EXOC6B: variants seen among roughly 807,000 people sequenced by gnomAD.
EXOC6B encodes the protein exocyst complex component 6B.
EXOC6B carries 54 observed loss-of-function variants against 113.5 expected under a neutral mutation model. That is an observed-to-expected ratio of 0.48 (90% CI 0.38 to 0.60). EXOC6B has a LOEUF of 0.60. EXOC6B is among the 20% of genes least tolerant of loss of function. The pLI is 0.00. For synonymous variants in EXOC6B, 357 were observed against 339.0 expected (o/e 1.05, Z -0.58); for missense variants, 797 against 977.5 (o/e 0.82, Z 2.46).
At chr2:72,545,845 T>C (rs145808641) in intron 8 of EXOC6B, among the ~76,000 whole-genome samples, 24 of 152,338 alleles carry the variant, frequency 1.6e-4, no homozygotes, top group African/African-American at 5.5e-4. Flanking sequence ...ATTTCCCAAG[T>C]GCTTTACTGT....
Position 72,319,939 on chromosome 2 carries a change from G to A in EXOC6B, c.2196+15008C>T, listed in dbSNP as rs1238465126. On this transcript the variant is annotated intron_variant, in intron 20 of 21. Transcript: ENST00000272427. ...CAACCTCCGACTCCCTGGTTCCAGC[G>A]ATTTCCCCTGCCTCAGCCTCCTGAG... 2.6e-5 allele frequency among the ~76,000 whole-genome samples: 4 copies of A among 151,776 alleles called. No individual in the cohort carries two copies. In the East Asian group the frequency reaches 7.7e-4, roughly 29 times the overall value.
At chr2:72,715,744 A>T (rs962490265) in intron 6 of EXOC6B, among the ~76,000 whole-genome samples, 2 of 152,114 alleles carry the variant, frequency 1.3e-5, no homozygotes, top group Non-Finnish European at 2.9e-5. Flanking sequence ...TCTTCATTGT[A>T]TATTGGGGGT....
At chr2:72,761,534 T>A (rs1308864541) in intron 1 of EXOC6B, among the ~76,000 whole-genome samples, 1 of 152,148 alleles carries the variant, frequency 6.6e-6, no homozygotes, top group Non-Finnish European at 1.5e-5. Context: ...TTTTTTAATG[T>A]TCAAAATAGA....
intron 1 of EXOC6B, among the ~76,000 whole-genome samples, chr2:72,769,559 C>T (rs1683290698): frequency 6.6e-6 from 1 of 152,206 alleles, no homozygotes; most frequent in East Asian, 1.9e-4. Flanking sequence ...CACCTGTAAT[C>T]CCAGCACTTT....
intron 20 of EXOC6B, among the ~76,000 whole-genome samples, chr2:72,266,437 T>G (rs1366121672): frequency 3.3e-5 from 5 of 150,970 alleles, no homozygotes; most frequent in Non-Finnish European, 7.4e-5. Flanking sequence ...TTGTATAAGG[T>G]GTAAGGAAGG....
In EXOC6B at chr2:72,731,003, T is replaced by C. The variant is rs1210539709; in HGVS notation, c.464+4A>G. 6.6e-7 allele frequency: 1 copy of C among 1,525,780 alleles called. No homozygotes were observed. The highest frequency in any genetic ancestry group is 8.8e-7 in the Non-Finnish European group (1 of 1,139,300). The allele number at this position is 1,525,780 out of a possible 1,614,324, so 94.5% of individuals were successfully genotyped here. On this transcript the variant is annotated splice_donor_region_variant and intron_variant, in intron 5 of 21. Coordinates refer to ENST00000272427, the MANE Select transcript of EXOC6B (RefSeq NM_015189.3). ...AAAACTGTTCGATTAAAAAAAAATC[T>C]TACCTTTTAGTTTTCATCTGGTCCC... is the stretch of plus-strand genomic sequence containing the variant.
intron 15 of EXOC6B, among the ~76,000 whole-genome samples, chr2:72,493,324 C>T (rs1230753091): frequency 1.4e-5 from 2 of 138,392 alleles, no homozygotes; most frequent in African/African-American, 3.1e-5. Context: ...TTTTCTCCCC[C>T]CCCCCCCCCC....
intron 19 of EXOC6B, among the ~76,000 whole-genome samples, chr2:72,342,440 A>T (rs1206365425): frequency 6.6e-6 from 1 of 152,194 alleles, no homozygotes; most frequent in African/African-American, 2.4e-5. Flanking sequence ...ATAGTGCGCA[A>T]AATCAAAAGT....
chr2:72,521,638 T>G (rs1420345093), intron 8 of EXOC6B, among the ~76,000 whole-genome samples: 1 of 152,222 alleles, frequency 6.6e-6, no homozygotes, highest in Non-Finnish European at 1.5e-5. Context: ...CAGATTTTTA[T>G]GCATCTAAAG....
intron 20 of EXOC6B, among the ~76,000 whole-genome samples, chr2:72,193,532 T>G (rs1202870092): frequency 1.3e-5 from 2 of 152,240 alleles, no homozygotes; most frequent in Admixed American, 6.5e-5. Context: ...TTCTAGGTAC[T>G]GCATATGAAA....
At chr2:72,389,824 G>A (rs116411084) in intron 18 of EXOC6B, among the ~76,000 whole-genome samples, 1,993 of 151,812 alleles carry the variant, frequency 0.013, 59 homozygotes, top group African/African-American at 0.045. Flanking sequence ...TCTTTTTATC[G>A]TTGTTTTTCA....
chr2:72,696,564 A>G (rs1172790241), intron 6 of EXOC6B, among the ~76,000 whole-genome samples: 1 of 152,210 alleles, frequency 6.6e-6, no homozygotes, highest in Admixed American at 6.5e-5. Context: ...AATGTAGTGG[A>G]CATTGTCAGA....
At chr2:72,653,908 A>G (rs548966286) in intron 6 of EXOC6B, among the ~76,000 whole-genome samples, 17 of 152,172 alleles carry the variant, frequency 1.1e-4, no homozygotes, top group Non-Finnish European at 2.2e-4. Flanking sequence ...GTCTGGTACA[A>G]GTACACTGGT....
intron 1 of EXOC6B, among the ~76,000 whole-genome samples, chr2:72,809,737 T>A (rs1306705424): frequency 6.6e-6 from 1 of 151,946 alleles, no homozygotes; most frequent in Non-Finnish European, 1.5e-5. Context: ...CTAATAAATA[T>A]GTGAAGCAAA....
intron 19 of EXOC6B, among the ~76,000 whole-genome samples, chr2:72,353,875 CT>C (rs1345724478): frequency 6.6e-6 from 1 of 152,098 alleles, no homozygotes; most frequent in African/African-American, 2.4e-5. Flanking sequence ...AATGGCATTA[CT>C]TATTCTTTCT....
At chr2:72,368,598 C>T (rs1196056034) in intron 19 of EXOC6B, among the ~76,000 whole-genome samples, 5 of 152,052 alleles carry the variant, frequency 3.3e-5, no homozygotes, top group Non-Finnish European at 5.9e-5. Flanking sequence ...TGATGAACAT[C>T]GATGCAAAAA....
intron 1 of EXOC6B, among the ~76,000 whole-genome samples, chr2:72,789,564 G>A (rs1684561362): frequency 6.6e-6 from 1 of 152,098 alleles, no homozygotes; most frequent in Non-Finnish European, 1.5e-5. Context: ...GAATATGTTT[G>A]TATCATGATT....
At chr2:72,226,121 G>T (rs1049397223) in intron 20 of EXOC6B, among the ~76,000 whole-genome samples, 1 of 152,052 alleles carries the variant, frequency 6.6e-6, no homozygotes, top group African/African-American at 2.4e-5. Flanking sequence ...GAAAAAGAGG[G>T]GAAAGGGGAT....
chr2:72,294,682 T>C (rs140250450), intron 20 of EXOC6B, among the ~76,000 whole-genome samples: 1 of 152,254 alleles, frequency 6.6e-6, no homozygotes, highest in Admixed American at 6.5e-5. Flanking sequence ...TTTGTTTTCT[T>C]TCATTTGCTA....
Sources: gnomAD v4.1 joint callset for allele counts (sites outside exome capture counted in the v4.1 genomes callset) on GRCh38, gnomAD v4.1.1 for gene constraint, MANE v1.5 for transcripts, NCBI Gene and HGNC (gene_info 2026-07-23, HGNC 2026-07-21) for gene names.